The following NFIB variants were observed in gnomAD, a reference collection of about 807,000 sequenced individuals.
NFIB encodes the protein nuclear factor 1 B-type.
NFIB carries 11 observed loss-of-function variants against 61.5 expected under a neutral mutation model. That is an observed-to-expected ratio of 0.18 (90% CI 0.11 to 0.30). The LOEUF (loss-of-function observed/expected upper bound fraction) is 0.30. Ranked by LOEUF, NFIB falls within the 10% of genes least tolerant of loss-of-function variation. The pLI is 1.00. For synonymous variants in NFIB, 260 were observed against 216.5 expected, an observed-to-expected ratio of 1.20 and a Z score of -1.76; for missense variants, 471 against 608.9, an observed-to-expected ratio of 0.77 and a Z score of 2.38.
intron 1 of NFIB, among the ~76,000 whole-genome samples, chr9:14,346,602 A>G (rs1228028847): frequency 6.6e-6 from 1 of 152,172 alleles, no homozygotes; most frequent in Non-Finnish European, 1.5e-5. Context: ...TTTCGCCACA[A>G]CGTTCCCGTT....
chr9:14,288,090 T>C (rs915382583), intron 2 of NFIB, among the ~76,000 whole-genome samples: 1 of 152,100 alleles, frequency 6.6e-6, no homozygotes, highest in Non-Finnish European at 1.5e-5. Context: ...CTTTCTAGAT[T>C]TTTTAATTGC....
intron 2 of NFIB, among the ~76,000 whole-genome samples, chr9:14,220,842 T>TAAACACACACACAC (rs2051553956): frequency 1.6e-5 from 2 of 123,020 alleles, no homozygotes; most frequent in Non-Finnish European, 3.4e-5. Flanking sequence ...TCAATCTCCC[T>TAAACACACACACAC]ACACACACAC....
At chr9:14,375,384 G>C (rs896329490) in intron 1 of NFIB, among the ~76,000 whole-genome samples, 2 of 152,212 alleles carry the variant, frequency 1.3e-5, no homozygotes, top group African/African-American at 4.8e-5. Flanking sequence ...AGGGCCAGGT[G>C]CAGTGGCTCA....
chr9:14,162,217 A>G (rs2044279619), intron 3 of NFIB, among the ~76,000 whole-genome samples: 1 of 151,954 alleles, frequency 6.6e-6, no homozygotes, highest in African/African-American at 2.4e-5. Context: ...ACAGTTTCAC[A>G]ATGAAAATGT....
the NFIB span, among the ~76,000 whole-genome samples, chr9:14,498,824 TTCCTC>T: frequency 8.6e-3 from 668 of 77,496 alleles, 18 homozygotes; most frequent in African/African-American, 0.018. Flanking sequence ...CCTTCCTCCC[TTCCTC>T]CCTTCCTTCC....
the NFIB span, among the ~76,000 whole-genome samples, chr9:14,467,334 G>C: frequency 6.6e-6 from 1 of 152,072 alleles, no homozygotes; most frequent in African/African-American, 2.4e-5. Flanking sequence ...ACAGGGTCTG[G>C]CCAGGTCACA....
At chr9:14,512,118 G>A in the NFIB span, among the ~76,000 whole-genome samples, 11 of 152,114 alleles carry the variant, frequency 7.2e-5, no homozygotes, top group African/African-American at 2.7e-4. Context: ...GAATTCCTTC[G>A]CGTTGTATTT....
the NFIB span, among the ~76,000 whole-genome samples, chr9:14,487,850 C>A: frequency 6.6e-6 from 1 of 152,258 alleles, no homozygotes; most frequent in Non-Finnish European, 1.5e-5. Flanking sequence ...ATGCTCCAGA[C>A]AGACGACGAA....
At chr9:14,356,555 G>A (rs989613967) in intron 1 of NFIB, among the ~76,000 whole-genome samples, 4 of 152,204 alleles carry the variant, frequency 2.6e-5, no homozygotes, top group South Asian at 4.2e-4. Context: ...AAACAGCACC[G>A]AGACAGAGCA....
rs144310146 is a variant in NFIB, at chr9:14,135,309, G to A, written c.926-9543C>T. 4.8e-3 allele frequency among the ~76,000 whole-genome samples: 734 copies of A among 152,238 alleles called. 5 individuals are homozygous for A. The highest frequency in any genetic ancestry group is 0.015 in the African/African-American group (635 of 41,548). The stretch of plus-strand genomic sequence containing the variant: ...CTGACAATATTGAATCCTGTTAGGT[G>A]TCCCACATTACACTGCAAGAAGGAA... On this transcript the variant is annotated intron_variant, in intron 6 of 10. Coordinates refer to ENST00000380953, the MANE Select transcript of NFIB (RefSeq NM_001190737.2).
chr9:14,328,092 A>C (rs1013262225), intron 1 of NFIB, among the ~76,000 whole-genome samples: 70 of 152,280 alleles, frequency 4.6e-4, no homozygotes, highest in Non-Finnish European at 1.0e-4. Flanking sequence ...AACATACCTA[A>C]AGTCACTGCC....
At chr9:14,442,249 T>C in the NFIB span, among the ~76,000 whole-genome samples, 1 of 152,154 alleles carries the variant, frequency 6.6e-6, no homozygotes, top group Non-Finnish European at 1.5e-5. Flanking sequence ...AATTTTCTGA[T>C]ATTCTCCCCA....
At chr9:14,368,923 T>G (rs1453567195) in intron 1 of NFIB, among the ~76,000 whole-genome samples, 1 of 152,210 alleles carries the variant, frequency 6.6e-6, no homozygotes, top group African/African-American at 2.4e-5. Context: ...TATCAATGCC[T>G]ACCTCACAGG....
At chr9:14,153,362 G>C (rs1206006964) in intron 4 of NFIB, among the ~76,000 whole-genome samples, 1 of 152,044 alleles carries the variant, frequency 6.6e-6, no homozygotes, top group Non-Finnish European at 1.5e-5. Context: ...GTCTCAGTCA[G>C]ATATTCCTGC....
intron 1 of NFIB, among the ~76,000 whole-genome samples, chr9:14,360,398 T>C (rs1208194616): frequency 6.6e-6 from 1 of 152,232 alleles, no homozygotes; most frequent in Non-Finnish European, 1.5e-5. Flanking sequence ...TTATTTTTCC[T>C]AAACAGAATT....
the NFIB span, among the ~76,000 whole-genome samples, chr9:14,445,897 C>T: frequency 2.1e-4 from 32 of 152,148 alleles, no homozygotes; most frequent in African/African-American, 7.7e-4. Flanking sequence ...TTCTTGATGC[C>T]TAAATAACAT....
At chr9:14,427,958 T>TTTTTG in the NFIB span, among the ~76,000 whole-genome samples, 9 of 126,674 alleles carry the variant, frequency 7.1e-5, 1 homozygote, top group African/African-American at 2.7e-4. Context: ...TTTTTTTTTT[T>TTTTTG]TTTTTTGGCA....
chr9:14,479,838 A>C, the NFIB span, among the ~76,000 whole-genome samples: 23 of 152,298 alleles, frequency 1.5e-4, no homozygotes, highest in Non-Finnish European at 2.1e-4. Context: ...TACGGGAAAC[A>C]AACAAACCAA....
chr9:14,151,549 A>C (rs1263838616), intron 4 of NFIB, among the ~76,000 whole-genome samples: 1 of 152,186 alleles, frequency 6.6e-6, no homozygotes, highest in Non-Finnish European at 1.5e-5. Context: ...AAACTGCTGT[A>C]GAATTTCAAG....
Sources: gnomAD v4.1 joint callset for allele counts (sites outside exome capture counted in the v4.1 genomes callset) on GRCh38, gnomAD v4.1.1 for gene constraint, MANE v1.5 for transcripts, NCBI Gene and HGNC (gene_info 2026-07-23, HGNC 2026-07-21) for gene names.